The following PSMD12 variants were observed in gnomAD, a reference collection of about 807,000 sequenced individuals.
The protein encoded by PSMD12 is proteasome 26S subunit, non-ATPase 12, also known as 26S proteasome non-ATPase regulatory subunit 12.
A neutral mutation model predicts 62.9 loss-of-function variants in PSMD12; 8 were observed. The observed-to-expected ratio is 0.13, with a 90% confidence interval of 0.07 to 0.23. The LOEUF (loss-of-function observed/expected upper bound fraction) is 0.23, where lower values mean the gene tolerates loss of function less well. Among genes scored for constraint, PSMD12 ranks in the 10% least tolerant of loss-of-function variants. PSMD12 has a pLI of 1.00. For missense variants in PSMD12, 424 were observed against 550.2 expected (o/e 0.77, Z 2.29); for synonymous variants, 173 against 187.4 (o/e 0.92, Z 0.63).
intron 3 of PSMD12, among the ~76,000 whole-genome samples, chr17:67,356,855 A>T (rs954267612): frequency 8.6e-5 from 13 of 151,768 alleles, no homozygotes; most frequent in African/African-American, 3.1e-4. Context: ...TACAAAAAAT[A>T]AAAAAATTGG....
At chr17:67,358,650 C>T (rs2042102064) in intron 1 of PSMD12, among the ~76,000 whole-genome samples, 1 of 150,762 alleles carries the variant, frequency 6.6e-6, no homozygotes, top group Non-Finnish European at 1.5e-5. Flanking sequence ...TTACCGTCAC[C>T]CTAACAGATA....
intron 7 of PSMD12, among the ~76,000 whole-genome samples, 156 bp from the exon 8 acceptor site, chr17:67,346,013 GC>G (rs2041962018): frequency 6.6e-6 from 1 of 152,168 alleles, no homozygotes; most frequent in Admixed American, 6.6e-5. Context: ...ACTTTGGGAG[GC>G]CAAGGTGGGC....
chr17:67,342,289 G>C, intron 9 of PSMD12, 26 bp from the exon 10 acceptor site: 7 of 1,424,250 alleles, frequency 4.9e-6, no homozygotes, highest in South Asian at 1.2e-5. Context: ...AGAGCAGGGA[G>C]AACACGTAAC....
chr17:67,342,937 TTC>T, intron 9 of PSMD12, among the ~76,000 whole-genome samples: 1 of 147,280 alleles, frequency 6.8e-6, no homozygotes, highest in Non-Finnish European at 1.5e-5. Context: ...CTGACTCTCT[TTC>T]AAAAAAAAAA....
chr17:67,343,864 C>T lies in PSMD12; in HGVS notation c.1083+742G>A, dbSNP rs534085100. Among the ~76,000 whole-genome samples the T allele has an allele frequency of 1.4e-4, 21 of 152,106 alleles. No homozygotes were observed. The South Asian group carries it at 2.9e-3, about 21-fold the overall frequency. ...GATTACAGGTGTGCGCCACCACGCC[C>T]GGCTAATTTTTGTATTTTTAGTGGA... On this transcript the variant is annotated intron_variant, in intron 9 of 10. Coordinates refer to ENST00000356126, the MANE Select transcript of PSMD12 (RefSeq NM_002816.5).
At chr17:67,355,991 C>G (rs934148524) in intron 3 of PSMD12, among the ~76,000 whole-genome samples, 1 of 151,102 alleles carries the variant, frequency 6.6e-6, no homozygotes, top group Non-Finnish European at 1.5e-5. Flanking sequence ...CACACACACA[C>G]ACACACACAC....
intron 3 of PSMD12, among the ~76,000 whole-genome samples, chr17:67,351,603 C>A (rs2143706643): frequency 6.6e-6 from 1 of 151,780 alleles, no homozygotes; most frequent in African/African-American, 2.4e-5. Flanking sequence ...ATTTTAGATT[C>A]AGGGGGTACA....
intron 4 of PSMD12, 123 bp from the exon 5 acceptor site, chr17:67,348,777 C>T (rs1364216932): frequency 5.4e-6 from 4 of 743,340 alleles, no homozygotes; most frequent in Non-Finnish European, 8.7e-6. Flanking sequence ...GCAGGAGGAT[C>T]GCTTGAGTCC....
rs965626624 is a variant in PSMD12, at chr17:67,340,767, C to T, written c.*76G>A. 6.7e-6 allele frequency: 8 copies of T among 1,187,438 alleles called. No homozygotes were observed. Among genetic ancestry groups the T allele is most frequent in the Non-Finnish European group, 8.0e-6 (7 of 871,862 alleles). 73.6% of individuals were successfully genotyped at this position (1,187,438 alleles called of 1,614,324 possible). A position where few individuals can be genotyped will look rare whatever the true frequency, so the allele number is the denominator to read the frequency against. ...AGACAAAGAAGCTTAGAAAAAAAAC[C>T]CCAACATATACACCATTATAACAGT... On this transcript the variant is annotated 3_prime_UTR_variant, in exon 11 of 11. Coordinates refer to ENST00000356126, the MANE Select transcript of PSMD12 (RefSeq NM_002816.5).
intron 4 of PSMD12, among the ~76,000 whole-genome samples, chr17:67,349,092 T>C (rs749058111): frequency 6.6e-6 from 1 of 152,234 alleles, no homozygotes; most frequent in Non-Finnish European, 1.5e-5. Context: ...TGATCTCGGC[T>C]CACCACAACC....
At chr17:67,349,924 C>G (rs866325101) in intron 4 of PSMD12, among the ~76,000 whole-genome samples, 1 of 152,128 alleles carries the variant, frequency 6.6e-6, no homozygotes, top group Admixed American at 6.6e-5. Context: ...GTCTAAAATG[C>G]TCTTCTCCCA....
chr17:67,360,342 C>T (rs976000418), intron 1 of PSMD12, among the ~76,000 whole-genome samples: 11 of 152,166 alleles, frequency 7.2e-5, no homozygotes, highest in Non-Finnish European at 1.6e-4. Context: ...TGGCCTAAAG[C>T]CACAGTCTGG....
At chr17:67,360,813 T>C (rs997334953) in intron 1 of PSMD12, among the ~76,000 whole-genome samples, 1 of 152,226 alleles carries the variant, frequency 6.6e-6, no homozygotes, top group African/African-American at 2.4e-5. Context: ...TTGATCTCAA[T>C]GGCTTACGAT....
At chr17:67,355,547 A>G (rs537183195) in intron 3 of PSMD12, 1 of 152,332 alleles carries the variant, frequency 6.6e-6, no homozygotes, top group African/African-American at 2.4e-5. Context: ...TTGTCCAGTA[A>G]CACTATATAT....
chr17:67,356,557 C>CAAAA lies in PSMD12; in HGVS notation c.297+742_297+745dup, dbSNP rs35353017. On this transcript the variant is annotated intron_variant, in intron 3 of 10. Transcript: ENST00000356126. The stretch of plus-strand genomic sequence containing the variant: ...TGGGCGACAGAGCGAGACTCCGTCT[C>CAAAA]AAAAAAAAAAAAAAAAAAAAAAAAA... Among the ~76,000 whole-genome samples the CAAAA allele has an allele frequency of 6.5e-3, 97 of 14,998 alleles. 17 individuals carry two copies. The highest frequency in any genetic ancestry group is 0.02 in the East Asian group (3 of 152). 9.8% of individuals were successfully genotyped at this position (14,998 alleles called of 152,430 possible). A position where few individuals can be genotyped will look rare whatever the true frequency, so the allele number is the denominator to read the frequency against.
chr17:67,347,168 C>G lies in PSMD12; in HGVS notation c.743G>C (p.Arg248Thr). Residue 248 changes from arginine (R) to threonine (T), a missense_variant, in exon 7 of 11, where the codon AGA (arginine) becomes ACA (threonine). By Grantham distance (71) the Arg-to-Thr change is moderately conservative. Coordinates refer to ENST00000356126, the MANE Select transcript of PSMD12 (RefSeq NM_002816.5). ...TATACAGGGAGTATCATATATTGCT[C>G]TGTAGTGCTTACAAATAGACAAATA... ...GSYLSICKHY[R>T]AIYDTPCIQA... is the part of the protein sequence containing the mutation. The G allele has an allele frequency of 6.2e-7, 1 of 1,613,596 alleles. No homozygotes were observed. Among genetic ancestry groups the G allele is most frequent in the Non-Finnish European group, 8.5e-7 (1 of 1,179,684 alleles).
In PSMD12 at chr17:67,347,132, C is replaced by G; in HGVS notation, c.779G>C (p.Ser260Thr). 1 of 1,599,522 alleles carries G rather than the reference C, an allele frequency of 6.3e-7. No individual in the cohort carries two copies. The stretch of plus-strand genomic sequence containing the variant: ...TATTCTTACCTGCTGCCATTTTTCA[C>G]TTTCTGCCTGTATACAGGGAGTATC... ...IYDTPCIQAESEKWQQALKSV... is the reference protein window; with the variant it reads ...IYDTPCIQAETEKWQQALKSV... The change falls in exon 7 of 11, where the codon AGT becomes ACT. Residue 260 changes from serine to threonine, a missense_variant. Ser to Thr is a moderately conservative substitution (Grantham distance 58). Transcript: ENST00000356126.
At chr17:67,342,143 A>G (rs761143751) in intron 10 of PSMD12, 43 bp downstream of exon 10, 1 of 1,362,884 alleles carries the variant, frequency 7.3e-7, no homozygotes, top group Non-Finnish European at 1.0e-6. Flanking sequence ...GTCAACATTC[A>G]AAAGGAATGC....
chr17:67,348,475 A>G lies in PSMD12; in HGVS notation c.510+75T>C, dbSNP rs948261697. The stretch of plus-strand genomic sequence containing the variant: ...GTCCCAAACATTTTGGATAAGGGAT[A>G]CTCAACCTATATTTCCATTAGAAAA... On this transcript the variant is annotated intron_variant, in intron 5 of 10. Coordinates refer to ENST00000356126, the MANE Select transcript of PSMD12 (RefSeq NM_002816.5). The G allele has an allele frequency of 4.1e-6, 5 of 1,209,100 alleles. No homozygotes were observed. The Admixed American group carries it at 7.6e-5, about 18-fold the overall frequency. The allele number at this position is 1,209,100 out of a possible 1,614,324, so 74.9% of individuals were successfully genotyped here.
Sources: gnomAD v4.1 joint callset for allele counts (sites outside exome capture counted in the v4.1 genomes callset) on GRCh38, gnomAD v4.1.1 for gene constraint, MANE v1.5 for transcripts, NCBI Gene and HGNC (gene_info 2026-07-23, HGNC 2026-07-21) for gene names.